The following FRMD4B variants were observed in gnomAD, a reference collection of about 807,000 sequenced individuals.
FRMD4B encodes FERM domain containing 4B, also known as FERM domain-containing protein 4B.
Under a neutral mutation model 141.5 loss-of-function variants are expected in FRMD4B, and 74 were observed. That is an observed-to-expected ratio of 0.52 (90% CI 0.43 to 0.63). The LOEUF is 0.63. Among genes scored for constraint, FRMD4B ranks in the 30% least tolerant of loss-of-function variants. FRMD4B has a pLI of 0.00. For synonymous variants in FRMD4B, 506 were observed against 467.9 expected (o/e 1.08, Z -1.05); for missense variants, 1,366 against 1,253.4 (o/e 1.09, Z -1.36).
intron 11 of FRMD4B, among the ~76,000 whole-genome samples, chr3:69,212,356 T>C (rs1395802155): frequency 1.0e-3 from 7 of 6,702 alleles, no homozygotes; most frequent in Non-Finnish European, 3.2e-3. Flanking sequence ...CGAAACCCCG[T>C]CTCAAAAAAA....
chr3:69,201,146 G>C (rs180938419), intron 11 of FRMD4B, among the ~76,000 whole-genome samples: 7 of 150,744 alleles, frequency 4.6e-5, no homozygotes, highest in Non-Finnish European at 1.0e-4. Context: ...ATGAAAGGCA[G>C]AGAGCAGTTC....
chr3:69,294,415 A>C (rs1384934), intron 4 of FRMD4B, among the ~76,000 whole-genome samples: 113,627 of 152,148 alleles, frequency 0.75, 42,624 homozygotes, highest in East Asian at 0.86. Context: ...TTTCTGCAAG[A>C]TATTATGCAG....
intron 1 of FRMD4B, among the ~76,000 whole-genome samples, chr3:69,467,239 A>G (rs748144920): frequency 5.9e-5 from 9 of 152,146 alleles, no homozygotes; most frequent in Middle Eastern, 3.2e-3. Context: ...CAACTTTTCC[A>G]TCTCTGGAAG....
At chr3:69,269,744 C>G (rs1369646240) in intron 5 of FRMD4B, among the ~76,000 whole-genome samples, 5 of 151,680 alleles carry the variant, frequency 3.3e-5, no homozygotes, top group Non-Finnish European at 5.9e-5. Flanking sequence ...CTCAGCCTCC[C>G]AAGTAGCTGG....
intron 1 of FRMD4B, among the ~76,000 whole-genome samples, chr3:69,487,287 A>G (rs1706230022): frequency 6.6e-6 from 1 of 152,180 alleles, no homozygotes; most frequent in African/African-American, 2.4e-5. Context: ...AAATCTTCAA[A>G]AGCTTTCTTT....
intron 7 of FRMD4B, among the ~76,000 whole-genome samples, chr3:69,232,873 A>T (rs1188365075): frequency 3.3e-5 from 5 of 149,810 alleles, no homozygotes; most frequent in African/African-American, 1.2e-4. Flanking sequence ...AAAAAAAAAA[A>T]TGCCCAAGCC....
intron 7 of FRMD4B, among the ~76,000 whole-genome samples, chr3:69,241,620 GTGCAGTCGCTCACACCTGTAATC>G (rs1177548089): frequency 4.6e-5 from 7 of 152,160 alleles, no homozygotes; most frequent in African/African-American, 1.7e-4. Flanking sequence ...AACTGGTTGG[GTGCAGTCGCTCACACCTGTAATC>G]CCAGCACTCT....
Position 69,499,678 on chromosome 3 carries a change from G to T in FRMD4B, c.-129+42528C>A, listed in dbSNP as rs556107793. ...GTGCTATCTTATTATTCTATCTGCA[G>T]AGAGCAGGAAGACAGAGAGAGAGAG... On this transcript the variant is annotated intron_variant, in intron 1 of 5. Coordinates refer to the FRMD4B transcript ENST00000459638. Among the ~76,000 whole-genome samples, 111 of 152,196 alleles carry T rather than the reference G, an allele frequency of 7.3e-4. No homozygotes were observed. The South Asian group carries it at 0.016, about 22-fold the overall frequency.
At chr3:69,415,124 A>G (rs956205634) in intron 2 of FRMD4B, among the ~76,000 whole-genome samples, 5 of 152,174 alleles carry the variant, frequency 3.3e-5, no homozygotes, top group South Asian at 2.1e-4. Flanking sequence ...TTGGCCTCCC[A>G]AAGTGCTGGG....
intron 2 of FRMD4B, among the ~76,000 whole-genome samples, chr3:69,408,484 T>C (rs1704692374): frequency 6.6e-6 from 1 of 152,196 alleles, no homozygotes; most frequent in African/African-American, 2.4e-5. Context: ...CACAGAACAC[T>C]TAATCCAATA....
chr3:69,246,508 A>C (rs2093426814), intron 7 of FRMD4B, among the ~76,000 whole-genome samples: 1 of 152,222 alleles, frequency 6.6e-6, no homozygotes, highest in Non-Finnish European at 1.5e-5. Context: ...GAGTTTTAGA[A>C]CAAAACTTTG....
chr3:69,246,446 C>A (rs1388564437), intron 7 of FRMD4B, among the ~76,000 whole-genome samples: 1 of 152,024 alleles, frequency 6.6e-6, no homozygotes, highest in East Asian at 1.9e-4. Context: ...GAGAACAATG[C>A]TCTATCTCAA....
At position 69,267,873 on chromosome 3, in the gene FRMD4B, TCCTCCTGCCTTGG is replaced by T. The variant is rs558342671; in HGVS notation, c.502-17787_502-17775del. Among the ~76,000 whole-genome samples the T allele has an allele frequency of 5.6e-4, 84 of 150,184 alleles. 1 individual carries two copies. In the East Asian group the frequency reaches 0.016, roughly 28 times the overall value. ...GTCTCACACTCGTGGCCTCAAGTGA[TCCTCCTGCCTTGG>T]CCTCCCAAAGTGCTGGGATTACAGG... On this transcript the variant is annotated intron_variant, in intron 5 of 22. Transcript: ENST00000398540.
chr3:69,273,747 G>A (rs1280388381), intron 5 of FRMD4B, among the ~76,000 whole-genome samples: 1 of 152,200 alleles, frequency 6.6e-6, no homozygotes, highest in African/African-American at 2.4e-5. Context: ...CTGTGCCAGT[G>A]TTTGGGGAGA....
chr3:69,514,192 C>G (rs1700704498), intron 1 of FRMD4B, among the ~76,000 whole-genome samples: 1 of 152,076 alleles, frequency 6.6e-6, no homozygotes, highest in Admixed American at 6.6e-5. Context: ...AATTAATGAA[C>G]AACTTCAGCA....
chr3:69,485,089 C>T (rs775305636), intron 1 of FRMD4B, among the ~76,000 whole-genome samples: 5 of 152,206 alleles, frequency 3.3e-5, no homozygotes, highest in African/African-American at 4.8e-5. Context: ...CTGTCCTCAA[C>T]CCCCCTCAAC....
intron 1 of FRMD4B, among the ~76,000 whole-genome samples, chr3:69,355,846 G>C: frequency 6.6e-6 from 1 of 152,096 alleles, no homozygotes; most frequent in Non-Finnish European, 1.5e-5. Context: ...CCAACATGGC[G>C]TAACCCCATC....
At chr3:69,263,006 C>T (rs942202877) in intron 5 of FRMD4B, among the ~76,000 whole-genome samples, 1 of 152,064 alleles carries the variant, frequency 6.6e-6, no homozygotes, top group Non-Finnish European at 1.5e-5. Context: ...CGCCTGTCAT[C>T]CCAGCACTTT....
intron 5 of FRMD4B, among the ~76,000 whole-genome samples, chr3:69,269,424 T>C (rs963580829): frequency 3.3e-5 from 5 of 150,150 alleles, no homozygotes; most frequent in Admixed American, 2.0e-4. Context: ...CTTAGGAAGA[T>C]AGAATAGGCT....
Sources: allele counts gnomAD v4.1 joint callset (sites outside exome capture counted in the v4.1 genomes callset), GRCh38; gene constraint gnomAD v4.1.1; transcripts MANE v1.5; gene names NCBI Gene and HGNC (gene_info 2026-07-23, HGNC 2026-07-21).